The following CGNL1 variants were observed in gnomAD, a reference collection of about 807,000 sequenced individuals.
CGNL1 encodes cingulin like 1, also known as cingulin-like protein 1.
CGNL1 carries 132 observed loss-of-function variants against 141.2 expected under a neutral mutation model. The ratio of observed to expected loss-of-function variants is 0.93; its 90% confidence interval spans 0.81 to 1.08. CGNL1 has a LOEUF of 1.08. Ranked by LOEUF, CGNL1 falls within the 50% of genes least tolerant of loss-of-function variation. The pLI is 0.00. For synonymous variants in CGNL1, 690 were observed against 622.1 expected (o/e 1.11, Z -1.63); for missense variants, 1,870 against 1,588.6 (o/e 1.18, Z -3.01).
chr15:57,402,846 A>AC (rs1339958181), intron 1 of CGNL1: 2 of 151,660 alleles, frequency 1.3e-5, no homozygotes, highest in African/African-American at 2.4e-5. Context: ...TTGCCATCTC[A>AC]CCCCCCAGGA....
At chr15:57,459,344 A>G (rs2152330796) in intron 7 of CGNL1, among the ~76,000 whole-genome samples, 1 of 152,372 alleles carries the variant, frequency 6.6e-6, no homozygotes, top group African/African-American at 2.4e-5. Flanking sequence ...AACAAGGATA[A>G]GTAGGCGAGT....
chr15:57,376,669 C>T (rs1196967013), intron 1 of CGNL1, 102 bp downstream of exon 1: 1 of 151,840 alleles, frequency 6.6e-6, no homozygotes, highest in African/African-American at 2.4e-5. Context: ...GGGGTTCGGG[C>T]TCAGCCAGGT....
At chr15:57,486,445 G>C (rs751095092) in intron 8 of CGNL1, among the ~76,000 whole-genome samples, 2 of 152,210 alleles carry the variant, frequency 1.3e-5, no homozygotes, top group Non-Finnish European at 2.9e-5. Context: ...GGGCGCTTCT[G>C]CAAGAGTTAT....
At chr15:57,508,293 G>A (rs1421830263) in intron 8 of CGNL1, among the ~76,000 whole-genome samples, 1 of 150,602 alleles carries the variant, frequency 6.6e-6, no homozygotes, top group African/African-American at 2.4e-5. Context: ...GGCAATTTTG[G>A]TAAATACAGT....
chr15:57,480,647 A>G (rs2063713962), intron 8 of CGNL1, among the ~76,000 whole-genome samples: 1 of 152,250 alleles, frequency 6.6e-6, no homozygotes, highest in African/African-American at 2.4e-5. Context: ...GTCTTTGGGC[A>G]GGAGTTTGAA....
At chr15:57,434,089 A>T (rs1353433311) in intron 1 of CGNL1, among the ~76,000 whole-genome samples, 1 of 152,242 alleles carries the variant, frequency 6.6e-6, no homozygotes, top group Non-Finnish European at 1.5e-5. Context: ...GGGCCAAAAC[A>T]GGAAAAGAAC....
chr15:57,529,908 A>G (rs1420112426), intron 13 of CGNL1, among the ~76,000 whole-genome samples: 6 of 152,266 alleles, frequency 3.9e-5, no homozygotes, highest in African/African-American at 1.2e-4. Context: ...AGAGACTAGA[A>G]TAACCTGATT....
chr15:57,442,516 C>T (rs2063202816), intron 4 of CGNL1, 38 bp downstream of exon 4: 2 of 1,265,866 alleles, frequency 1.6e-6, no homozygotes, highest in African/African-American at 2.9e-5. Flanking sequence ...GTGCATTTAG[C>T]ATGGAATGTG....
At chr15:57,461,969 C>A in intron 8 of CGNL1, 77 bp downstream of exon 8, 2 of 1,025,734 alleles carry the variant, frequency 1.9e-6, no homozygotes, top group Non-Finnish European at 1.5e-6. Flanking sequence ...CACTGCAAAT[C>A]CCCTTCATTC....
chr15:57,487,524 T>C (rs1595756241), intron 8 of CGNL1, among the ~76,000 whole-genome samples: 2 of 152,318 alleles, frequency 1.3e-5, no homozygotes, highest in East Asian at 3.9e-4. Context: ...TTCTCTGATA[T>C]TGGTAATAAT....
In CGNL1 at chr15:57,546,241, T is replaced by C; in HGVS notation, c.3773+2T>C. Reference sequence around the variant, plus strand: ...CAACTCCATGAAGAAGGACTTAAGGTGGGCAGGTGTGGAGGCCACAGAGGG... The same window carrying C: ...CAACTCCATGAAGAAGGACTTAAGGCGGGCAGGTGTGGAGGCCACAGAGGG... On this transcript the variant is annotated splice_donor_variant, in intron 18 of 18. Coordinates refer to ENST00000281282, the MANE Select transcript of CGNL1 (RefSeq NM_032866.5). LOFTEE classifies it high-confidence loss of function. 1 of 1,570,064 alleles carries C rather than the reference T, an allele frequency of 6.4e-7. No individual in the cohort carries two copies.
At chr15:57,526,105 A>G (rs774658583) in intron 12 of CGNL1, among the ~76,000 whole-genome samples, 26 of 152,120 alleles carry the variant, frequency 1.7e-4, no homozygotes, top group Non-Finnish European at 2.9e-4. Context: ...TTAGATAAGG[A>G]AACTGAGGTC....
At chr15:57,380,395 A>G (rs973360196) in intron 1 of CGNL1, among the ~76,000 whole-genome samples, 2 of 152,144 alleles carry the variant, frequency 1.3e-5, no homozygotes, top group Non-Finnish European at 2.9e-5. Flanking sequence ...TAAACAGGAT[A>G]AGGTTCCTGC....
At chr15:57,491,621 G>A (rs74797124) in intron 8 of CGNL1, among the ~76,000 whole-genome samples, 1,961 of 152,304 alleles carry the variant, frequency 0.013, 15 homozygotes, top group Non-Finnish European at 0.021. Flanking sequence ...TGTACTCGAA[G>A]ATGCTCACAT....
At chr15:57,406,289 G>A (rs1312252908) in intron 1 of CGNL1, among the ~76,000 whole-genome samples, 2 of 152,192 alleles carry the variant, frequency 1.3e-5, no homozygotes, top group African/African-American at 4.8e-5. Context: ...GACGCTGAAG[G>A]CCCTAAGGCA....
chr15:57,533,613 G>A (rs2032083427), intron 14 of CGNL1, among the ~76,000 whole-genome samples: 1 of 152,192 alleles, frequency 6.6e-6, no homozygotes. Context: ...TCAGTTCCAT[G>A]TTTATATCAG....
At chr15:57,491,247 G>A (rs1595760182) in intron 8 of CGNL1, among the ~76,000 whole-genome samples, 1 of 152,152 alleles carries the variant, frequency 6.6e-6, no homozygotes. Flanking sequence ...TATTATTTTA[G>A]CAGTTTTTCT....
chr15:57,473,931 A>G (rs1373931862), intron 8 of CGNL1, among the ~76,000 whole-genome samples: 3 of 102,894 alleles, frequency 2.9e-5, no homozygotes, highest in Non-Finnish European at 5.5e-5. Context: ...TTTTTCTGAG[A>G]CAGAGTCTCA....
At chr15:57,444,187 AT>A (rs2063224518) in intron 4 of CGNL1, among the ~76,000 whole-genome samples, 1 of 152,048 alleles carries the variant, frequency 6.6e-6, no homozygotes, top group South Asian at 2.1e-4. Flanking sequence ...TTTTATATAA[AT>A]TTTCACAATA....
Sources: gnomAD v4.1 joint callset for allele counts (sites outside exome capture counted in the v4.1 genomes callset) on GRCh38, gnomAD v4.1.1 for gene constraint, MANE v1.5 for transcripts, NCBI Gene and HGNC (gene_info 2026-07-23, HGNC 2026-07-21) for gene names.